The following HIVEP2 variants were observed in gnomAD, a reference collection of about 807,000 sequenced individuals.
HIVEP2 encodes HIVEP zinc finger 2.
HIVEP2 carries 14 observed loss-of-function variants against 180.7 expected under a neutral mutation model. That is an observed-to-expected ratio of 0.08 (90% CI 0.05 to 0.12). The LOEUF (loss-of-function observed/expected upper bound fraction) is 0.12. HIVEP2 is among the 10% of genes least tolerant of loss of function. HIVEP2 has a pLI of 1.00. For missense variants in HIVEP2, 2,579 were observed against 3,008.5 expected, an observed-to-expected ratio of 0.86 and a Z score of 3.34; for synonymous variants, 1,184 against 1,136.4, an observed-to-expected ratio of 1.04 and a Z score of -0.84.
chr6:142,935,968 C>T (rs1226223071), intron 1 of HIVEP2, among the ~76,000 whole-genome samples: 2 of 151,930 alleles, frequency 1.3e-5, no homozygotes, highest in African/African-American at 2.4e-5. Context: ...CAAAAATTAG[C>T]CGCGCATGGT....
At chr6:142,766,664 G>A in intron 6 of HIVEP2, among the ~76,000 whole-genome samples, 1 of 152,076 alleles carries the variant, frequency 6.6e-6, no homozygotes, top group Admixed American at 6.5e-5. Context: ...TGAAAATACA[G>A]TAAAATTCTG....
chr6:142,940,115 A>T (rs1025099546), intron 1 of HIVEP2, among the ~76,000 whole-genome samples: 3 of 152,222 alleles, frequency 2.0e-5, no homozygotes, highest in Non-Finnish European at 4.4e-5. Context: ...GTTTGAAAAT[A>T]TATAGATCTA....
intron 1 of HIVEP2, among the ~76,000 whole-genome samples, chr6:142,906,571 T>C (rs1777269194): frequency 6.6e-6 from 1 of 151,894 alleles, no homozygotes; most frequent in Non-Finnish European, 1.5e-5. Flanking sequence ...ATGAGGACCA[T>C]GTATGATAAA....
rs925287711 is a variant in HIVEP2 at position 142,775,114 on chromosome 6, A to C, written c.-376T>G. ...CAAAGTTCAATTGCCAGTTTCACTA[A>C]GATAAAATGATCTGAAGAAAAAGAA... On this transcript the variant is annotated 5_prime_UTR_variant, in exon 5 of 10. Coordinates refer to ENST00000367603, the MANE Select transcript of HIVEP2 (RefSeq NM_006734.4). 7.0e-6 allele frequency: 7 copies of C among 999,244 alleles called. No homozygotes were observed. The Admixed American group carries it at 2.9e-4, about 41-fold the overall frequency. 61.9% of individuals were successfully genotyped at this position (999,244 alleles called of 1,614,324 possible). A position where few individuals can be genotyped will look rare whatever the true frequency, so the allele number is the denominator to read the frequency against.
intron 2 of HIVEP2, among the ~76,000 whole-genome samples, chr6:142,831,185 T>C (rs1020229190): frequency 5.3e-5 from 8 of 152,140 alleles, no homozygotes; most frequent in Non-Finnish European, 1.0e-4. Context: ...GGCACCATGA[T>C]GCAAAACCTG....
intron 9 of HIVEP2, among the ~76,000 whole-genome samples, chr6:142,757,231 C>G (rs1379509841): frequency 2.0e-5 from 3 of 152,158 alleles, no homozygotes; most frequent in Non-Finnish European, 2.9e-5. Flanking sequence ...ACTGTCCCTA[C>G]ATCAGGGAGG....
At chr6:142,810,885 T>C (rs1562244988) in intron 2 of HIVEP2, among the ~76,000 whole-genome samples, 1 of 151,840 alleles carries the variant, frequency 6.6e-6, no homozygotes, top group Non-Finnish European at 1.5e-5. Context: ...CCAAGGAGAA[T>C]TGAAAAAAAT....
intron 1 of HIVEP2, among the ~76,000 whole-genome samples, chr6:142,897,112 G>A (rs1385353795): frequency 6.6e-6 from 1 of 151,986 alleles, no homozygotes; most frequent in Non-Finnish European, 1.5e-5. Context: ...TATAAAAAGA[G>A]AATATACAAC....
chr6:142,791,933 G>C (rs539394460), intron 2 of HIVEP2, among the ~76,000 whole-genome samples: 1 of 152,298 alleles, frequency 6.6e-6, no homozygotes, highest in African/African-American at 2.4e-5. Flanking sequence ...ATGAAGACAG[G>C]AGATTGCTTA....
At chr6:142,808,937 C>T (rs930521525) in intron 2 of HIVEP2, among the ~76,000 whole-genome samples, 4 of 152,080 alleles carry the variant, frequency 2.6e-5, no homozygotes, top group Admixed American at 1.3e-4. Context: ...TCTCTTCTTC[C>T]ATTAACATTT....
intron 1 of HIVEP2, among the ~76,000 whole-genome samples, chr6:142,932,058 C>T (rs1248179282): frequency 2.6e-5 from 4 of 152,154 alleles, no homozygotes; most frequent in Non-Finnish European, 5.9e-5. Context: ...GTTGATGTTG[C>T]GCCTTCTCAG....
Position 142,793,673 on chromosome 6 carries a change from T to TTCTCTC in HIVEP2, c.-527-10064_-527-10059dup, listed in dbSNP as rs71546219. Among the ~76,000 whole-genome samples the TTCTCTC allele has an allele frequency of 3.2e-3, 345 of 107,474 alleles. 4 individuals are homozygous for TTCTCTC. Among genetic ancestry groups the TTCTCTC allele is most frequent in the African/African-American group, 0.01 (284 of 27,080 alleles). The allele number at this position is 107,474 out of a possible 152,430, so 70.5% of individuals were successfully genotyped here. ...CTTTCTTTCTTTTTTCTTTCTTTCT[T>TTCTCTC]TCTCTCTCTCTCTCTCTCTCTCTCT... On this transcript the variant is annotated intron_variant, in intron 2 of 9. Coordinates refer to ENST00000367603, the MANE Select transcript of HIVEP2 (RefSeq NM_006734.4).
At chr6:142,857,692 C>T (rs1775858647) in intron 1 of HIVEP2, among the ~76,000 whole-genome samples, 1 of 152,216 alleles carries the variant, frequency 6.6e-6, no homozygotes, top group Admixed American at 6.5e-5. Context: ...TTACCCCACC[C>T]ACACATTTTT....
At chr6:142,861,052 G>A (rs1441149568) in intron 1 of HIVEP2, among the ~76,000 whole-genome samples, 1 of 152,088 alleles carries the variant, frequency 6.6e-6, no homozygotes, top group Admixed American at 6.5e-5. Flanking sequence ...GACAGTATAC[G>A]AACATGCATA....
chr6:142,826,375 T>C (rs949821394), intron 2 of HIVEP2, among the ~76,000 whole-genome samples: 10 of 152,184 alleles, frequency 6.6e-5, no homozygotes, highest in African/African-American at 2.4e-4. Context: ...CCAGTCTCAA[T>C]GGTCCCTCAC....
At chr6:142,767,912 C>G (rs1474419828) in intron 6 of HIVEP2, among the ~76,000 whole-genome samples, 1 of 152,162 alleles carries the variant, frequency 6.6e-6, no homozygotes, top group East Asian at 1.9e-4. Context: ...ATTGATGGAA[C>G]TGGTGAAATC....
intron 1 of HIVEP2, among the ~76,000 whole-genome samples, chr6:142,862,163 T>C (rs917170553): frequency 6.6e-6 from 1 of 152,108 alleles, no homozygotes; most frequent in Non-Finnish European, 1.5e-5. Flanking sequence ...AGAATAAACA[T>C]TAATACCCAA....
intron 1 of HIVEP2, among the ~76,000 whole-genome samples, chr6:142,899,948 G>A (rs2128424829): frequency 6.6e-6 from 1 of 152,242 alleles, no homozygotes; most frequent in East Asian, 1.9e-4. Flanking sequence ...AATAAAAATG[G>A]TCTAAACCTT....
chr6:142,774,219 C>T lies in HIVEP2; in HGVS notation c.520G>A (p.Glu174Lys). Reference sequence around the variant, plus strand: ...TTGTGCTCTTTCTTGTGAGCCTCTTCTGCCTGTTCAATACTTTTCTGGGAG... The same window carrying T: ...TTGTGCTCTTTCTTGTGAGCCTCTTTTGCCTGTTCAATACTTTTCTGGGAG... ...QYSQKSIEQA[E>K]EAHKKEHKPK... Residue 174 changes from glutamate to lysine, a missense_variant, in exon 5 of 10, where the codon GAA becomes AAA. Glu to Lys is a moderately conservative substitution (Grantham distance 56, BLOSUM62 1). This residue lies in a region of HIVEP2 where 207 missense variants were observed against 210.1 expected (regional missense o/e 0.99). Coordinates refer to ENST00000367603, the MANE Select transcript of HIVEP2 (RefSeq NM_006734.4). The surrounding 1 kb of genome is among the most constrained non-coding windows in gnomAD (Gnocchi z 5.1). 1.2e-6 allele frequency: 2 copies of T among 1,614,144 alleles called. No homozygotes were observed. Among genetic ancestry groups the T allele is most frequent in the Non-Finnish European group, 1.7e-6 (2 of 1,180,038 alleles).
Sources: allele counts gnomAD v4.1 joint callset (sites outside exome capture counted in the v4.1 genomes callset), GRCh38; gene constraint gnomAD v4.1.1; regional missense constraint gnomAD v4.1.1; non-coding constraint Gnocchi (gnomAD v3.1); transcripts MANE v1.5; gene names NCBI Gene and HGNC (gene_info 2026-07-23, HGNC 2026-07-21).